Variants in PDSS2 observed in about 807,000 individuals in gnomAD.
PDSS2 encodes the protein all trans-polyprenyl-diphosphate synthase PDSS2.
Under a neutral mutation model 44.5 loss-of-function variants are expected in PDSS2, and 31 were observed. The ratio of observed to expected loss-of-function variants is 0.70; its 90% CI spans 0.52 to 0.94. PDSS2 has a LOEUF of 0.94. Among genes scored for constraint, PDSS2 ranks in the 40% least tolerant of loss-of-function variants. The pLI is 0.00. For missense variants in PDSS2, 452 were observed against 482.2 expected (o/e 0.94, Z 0.59); for synonymous variants, 157 against 180.3 (o/e 0.87, Z 1.03).
At chr6:107,329,673 T>C (rs1777652800) in intron 2 of PDSS2, among the ~76,000 whole-genome samples, 1 of 152,190 alleles carries the variant, frequency 6.6e-6, no homozygotes, top group Non-Finnish European at 1.5e-5. Flanking sequence ...CTTCAACACA[T>C]GAATTTTGGG....
intron 1 of PDSS2, among the ~76,000 whole-genome samples, chr6:107,433,561 T>A (rs1781258912): frequency 6.6e-6 from 1 of 152,136 alleles, no homozygotes; most frequent in Admixed American, 6.6e-5. Context: ...AAACTGGATA[T>A]CCATATGCAA....
At chr6:107,448,930 A>G (rs1244235775) in intron 1 of PDSS2, among the ~76,000 whole-genome samples, 2 of 152,240 alleles carry the variant, frequency 1.3e-5, no homozygotes, top group African/African-American at 4.8e-5. Context: ...GTTACTCACT[A>G]TCATGAAAAC....
At chr6:107,323,547 A>G (rs915919165) in intron 2 of PDSS2, among the ~76,000 whole-genome samples, 3 of 152,230 alleles carry the variant, frequency 2.0e-5, no homozygotes, top group Non-Finnish European at 4.4e-5. Context: ...GAATTGAGAC[A>G]AGAACCCAGA....
Position 107,395,350 on chromosome 6 carries a change from T to C in PDSS2, c.297-61018A>G, listed in dbSNP as rs183437460. On this transcript the variant is annotated intron_variant, in intron 1 of 7. Coordinates refer to ENST00000369037, the MANE Select transcript of PDSS2 (RefSeq NM_020381.4). Reference sequence around the variant, plus strand: ...TTATGCTTTCCATCACATATGAAAATTTTTGAAACATTATTACTTTATTTT... The same window carrying C: ...TTATGCTTTCCATCACATATGAAAACTTTTGAAACATTATTACTTTATTTT... Among the ~76,000 whole-genome samples the C allele has an allele frequency of 3.0e-3, 453 of 152,262 alleles. 12 individuals carry two copies. Among genetic ancestry groups the C allele is most frequent in the Non-Finnish European group, 1.1e-3 (76 of 67,994 alleles).
chr6:107,158,767 C>T (rs782783059), intron 7 of PDSS2, among the ~76,000 whole-genome samples: 2 of 151,298 alleles, frequency 1.3e-5, no homozygotes, highest in African/African-American at 4.9e-5. Flanking sequence ...TCACTCTTGT[C>T]GCCTAGATTG....
intron 1 of PDSS2, among the ~76,000 whole-genome samples, chr6:107,391,854 A>ATT (rs35833788): frequency 3.3e-5 from 5 of 150,558 alleles, no homozygotes; most frequent in Non-Finnish European, 5.9e-5. Context: ...ATACATGCTC[A>ATT]TTTTTTTTTA....
intron 7 of PDSS2, among the ~76,000 whole-genome samples, chr6:107,158,835 TCTC>T (rs1771009334): frequency 6.6e-6 from 1 of 151,716 alleles, no homozygotes; most frequent in Admixed American, 6.6e-5. Context: ...TTCAAGCAAT[TCTC>T]CTGTCTCAGC....
At chr6:107,361,416 G>A (rs1778768442) in intron 1 of PDSS2, among the ~76,000 whole-genome samples, 1 of 152,190 alleles carries the variant, frequency 6.6e-6, no homozygotes, top group Non-Finnish European at 1.5e-5. Flanking sequence ...TACAGAGGAA[G>A]AGAGCTCTGA....
chr6:107,378,277 A>G (rs1463938424), intron 1 of PDSS2, among the ~76,000 whole-genome samples: 3 of 151,036 alleles, frequency 2.0e-5, no homozygotes, highest in East Asian at 1.9e-4. Context: ...CAGGTATAAT[A>G]AAAGAAAAGA....
chr6:107,392,662 C>T (rs192522894), intron 1 of PDSS2, among the ~76,000 whole-genome samples: 6 of 152,208 alleles, frequency 3.9e-5, no homozygotes, highest in East Asian at 3.9e-4. Flanking sequence ...GTCTTCTAAC[C>T]GGTAGGTAAT....
At chr6:107,338,496 T>C (rs901811949) in intron 1 of PDSS2, among the ~76,000 whole-genome samples, 1 of 152,222 alleles carries the variant, frequency 6.6e-6, no homozygotes, top group Admixed American at 6.5e-5. Flanking sequence ...AGATGTGGCC[T>C]CCCTTCTTGT....
At chr6:107,389,319 C>A (rs1779710365) in intron 1 of PDSS2, among the ~76,000 whole-genome samples, 2 of 152,096 alleles carry the variant, frequency 1.3e-5, no homozygotes, top group Non-Finnish European at 1.5e-5. Flanking sequence ...GACATAATAT[C>A]TCTGAGAATA....
Position 107,278,387 on chromosome 6 carries a change from G to GT in PDSS2, c.432-4161dup, listed in dbSNP as rs1775859059. On this transcript the variant is annotated intron_variant, in intron 2 of 7. Transcript: ENST00000369037. Reference sequence around the variant, plus strand: ...TTAAAGTAGAACATTTAAAATTACCGTTTAAAAAGTGACTAAAAGAAAGGA... The same window carrying GT: ...TTAAAGTAGAACATTTAAAATTACCGTTTTAAAAAGTGACTAAAAGAAAGGA... Among the ~76,000 whole-genome samples, 3 of 152,032 alleles carry GT rather than the reference G, an allele frequency of 2.0e-5. No homozygotes were observed. In the South Asian group the frequency reaches 6.2e-4, roughly 32 times the overall value.
At chr6:107,161,130 C>T (rs143848548) in intron 7 of PDSS2, among the ~76,000 whole-genome samples, 4,672 of 152,034 alleles carry the variant, frequency 0.031, 232 homozygotes, top group African/African-American at 0.1. Flanking sequence ...CCACCTCGGC[C>T]TCCCAAAGTG....
chr6:107,210,993 CAA>C (rs11345405), intron 5 of PDSS2, among the ~76,000 whole-genome samples: 39 of 105,688 alleles, frequency 3.7e-4, no homozygotes, highest in Admixed American at 1.0e-3. Context: ...AACTCCGTCT[CAA>C]AAAAAAAAAA....
At chr6:107,330,818 T>C (rs562623597) in intron 2 of PDSS2, among the ~76,000 whole-genome samples, 1 of 152,310 alleles carries the variant, frequency 6.6e-6, no homozygotes, top group South Asian at 2.1e-4. Flanking sequence ...ATGGCGAATG[T>C]TTACAGTACA....
chr6:107,404,896 C>A (rs1042506370), intron 1 of PDSS2, among the ~76,000 whole-genome samples: 2 of 152,176 alleles, frequency 1.3e-5, no homozygotes, highest in African/African-American at 4.8e-5. Flanking sequence ...CCTATTCTAA[C>A]AAGAGATTTA....
intron 1 of PDSS2, among the ~76,000 whole-genome samples, chr6:107,379,227 C>G (rs1779384247): frequency 2.0e-5 from 3 of 152,150 alleles, no homozygotes; most frequent in African/African-American, 4.8e-5. Context: ...GTATTTAAAA[C>G]TTATAAAATA....
At chr6:107,331,613 G>C (rs1211672504) in intron 2 of PDSS2, among the ~76,000 whole-genome samples, 6 of 152,136 alleles carry the variant, frequency 3.9e-5, no homozygotes, top group African/African-American at 1.4e-4. Flanking sequence ...TGTGCATACA[G>C]ATTAATAGCT....
Sources: gnomAD v4.1 joint callset for allele counts (sites outside exome capture counted in the v4.1 genomes callset) on GRCh38, gnomAD v4.1.1 for gene constraint, MANE v1.5 for transcripts, NCBI Gene and HGNC (gene_info 2026-07-23, HGNC 2026-07-21) for gene names.